Variants in TRIM13 observed in about 807,000 individuals in gnomAD.
TRIM13 encodes the protein E3 ubiquitin-protein ligase TRIM13.
TRIM13 carries 15 observed loss-of-function variants against 27.1 expected under a neutral mutation model. The observed-to-expected ratio is 0.55, with a 90% confidence interval of 0.37 to 0.85. The LOEUF (loss-of-function observed/expected upper bound fraction) is 0.85. Ranked by LOEUF, TRIM13 falls within the 40% of genes least tolerant of loss-of-function variation. The pLI, the probability that TRIM13 is intolerant of heterozygous loss-of-function variation, is 0.00. For missense variants in TRIM13, 402 were observed against 472.2 expected, an observed-to-expected ratio of 0.85 and a Z score of 1.38; for synonymous variants, 193 against 171.5, an observed-to-expected ratio of 1.13 and a Z score of -0.98.
chr13:50,005,563 A>T (rs564622439), intron 1 of TRIM13, among the ~76,000 whole-genome samples: 1 of 150,990 alleles, frequency 6.6e-6, no homozygotes, highest in African/African-American at 2.4e-5. Flanking sequence ...AATCCCAGCT[A>T]CTCGGGGAGA....
intron 1 of TRIM13, among the ~76,000 whole-genome samples, chr13:50,005,140 C>G (rs948106434): frequency 6.6e-6 from 1 of 151,600 alleles, no homozygotes; most frequent in Non-Finnish European, 1.5e-5. Context: ...CTTTTTTGTT[C>G]ATGTCAAAGG....
intron 1 of TRIM13, among the ~76,000 whole-genome samples, chr13:50,005,963 C>T (rs533731973): frequency 2.0e-5 from 3 of 151,866 alleles, no homozygotes; most frequent in Non-Finnish European, 2.9e-5. Flanking sequence ...CTGCCCACCT[C>T]GGCGGCCTCC....
intron 1 of TRIM13, among the ~76,000 whole-genome samples, chr13:50,011,353 TC>T (rs1422363505): frequency 6.6e-6 from 1 of 152,192 alleles, no homozygotes; most frequent in Non-Finnish European, 1.5e-5. Context: ...ACAAAAAACC[TC>T]ATTTAGTTCT....
Position 50,016,566 on chromosome 13 carries a change from T to C in TRIM13, c.*3402T>C, listed in dbSNP as rs1171654395. The C allele has an allele frequency of 5.9e-6, 1 of 168,154 alleles. No homozygotes were observed. The highest frequency in any genetic ancestry group is 1.5e-5 in the Non-Finnish European group (1 of 68,940). 10.4% of individuals were successfully genotyped at this position (168,154 alleles called of 1,614,324 possible). A position where few individuals can be genotyped will look rare whatever the true frequency, so the allele number is the denominator to read the frequency against. On this transcript the variant is annotated 3_prime_UTR_variant, in exon 2 of 2. Coordinates refer to ENST00000378182, the MANE Select transcript of TRIM13 (RefSeq NM_213590.3). ...AAACACCCTTAAAGACAGATATATCTCATGGCAAATTTGGTATCCTGTTAC... is the reference window on the plus strand; with the variant it reads ...AAACACCCTTAAAGACAGATATATCCCATGGCAAATTTGGTATCCTGTTAC...
rs1293069526 is a variant in TRIM13 at position 50,012,009 on chromosome 13, G to A, written c.69G>A (p.Leu23=). The A allele has an allele frequency of 1.2e-6, 2 of 1,613,722 alleles. No individual in the cohort carries two copies. The highest frequency in any genetic ancestry group is 1.7e-6 in the Non-Finnish European group (2 of 1,179,940). ...GTCTGTTTGATGATCCACGGGTTTT[G>A]CCTTGCTCCCACAACTTCTGCAAAA... ...CCSLFDDPRV[L]PCSHNFCKKC... The change falls in exon 2 of 2, where the codon TTG becomes TTA. Residue 23 remains leucine, a synonymous_variant. Transcript: ENST00000378182.
At chr13:50,002,781 G>A (rs988761958) in intron 1 of TRIM13, among the ~76,000 whole-genome samples, 6 of 151,906 alleles carry the variant, frequency 3.9e-5, no homozygotes, top group African/African-American at 1.5e-4. Flanking sequence ...TCCTGCCTCA[G>A]CCTCCCGAGT....
intron 1 of TRIM13, among the ~76,000 whole-genome samples, chr13:50,010,689 T>C (rs1381286805): frequency 6.6e-6 from 1 of 152,220 alleles, no homozygotes; most frequent in Non-Finnish European, 1.5e-5. Flanking sequence ...AATTCTAATT[T>C]TTACATAAAA....
At chr13:49,998,044 C>G (rs1378420768) in intron 1 of TRIM13, among the ~76,000 whole-genome samples, 1 of 152,038 alleles carries the variant, frequency 6.6e-6, no homozygotes, top group Non-Finnish European at 1.5e-5. Context: ...TTCCCTTCTC[C>G]TATGCTTAGT....
chr13:50,007,800 C>T (rs113368674), intron 1 of TRIM13, among the ~76,000 whole-genome samples: 2 of 139,310 alleles, frequency 1.4e-5, no homozygotes, highest in African/African-American at 5.4e-5. Flanking sequence ...AAAAAAAAAG[C>T]CATAAACTAA....
chr13:50,016,108 G>C lies in TRIM13; in HGVS notation c.*2944G>C, dbSNP rs1876523534. 1 of 1,444,196 alleles carries C rather than the reference G, an allele frequency of 6.9e-7. No homozygotes were observed. The allele number at this position is 1,444,196 out of a possible 1,614,324, so 89.5% of individuals were successfully genotyped here. A position where few individuals can be genotyped will look rare whatever the true frequency, so the allele number is the denominator to read the frequency against. Reference sequence around the variant, plus strand: ...TTTGCAGTATTTCTCTTGTATACCAGTTTGTGATGTTTTCTCTAAAAACTT... The same window carrying C: ...TTTGCAGTATTTCTCTTGTATACCACTTTGTGATGTTTTCTCTAAAAACTT... On this transcript the variant is annotated 3_prime_UTR_variant, in exon 2 of 2. Coordinates refer to ENST00000378182, the MANE Select transcript of TRIM13 (RefSeq NM_213590.3).
In TRIM13 at chr13:50,013,872, A is replaced by T. The variant is rs1346941321; in HGVS notation, c.*708A>T. 1 of 166,818 alleles carries T rather than the reference A, an allele frequency of 6.0e-6. No individual in the cohort carries two copies. Among genetic ancestry groups the T allele is most frequent in the Non-Finnish European group, 1.5e-5 (1 of 68,070 alleles). 10.3% of individuals were successfully genotyped at this position (166,818 alleles called of 1,614,324 possible). ...TCTTAAAGCACCTTTTTGACAGTGA[A>T]CATGGTCTAAAAAAGGGAAGATATT... is the stretch of plus-strand genomic sequence containing the variant. On this transcript the variant is annotated 3_prime_UTR_variant, in exon 2 of 2. Coordinates refer to ENST00000378182, the MANE Select transcript of TRIM13 (RefSeq NM_213590.3).
At chr13:50,007,561 G>T (rs1326624846) in intron 1 of TRIM13, among the ~76,000 whole-genome samples, 1 of 149,430 alleles carries the variant, frequency 6.7e-6, no homozygotes, top group Non-Finnish European at 1.5e-5. Context: ...CGGGTGGATT[G>T]CCTGGGGTCA....
intron 1 of TRIM13, among the ~76,000 whole-genome samples, chr13:50,002,662 CT>C (rs1175687428): frequency 5.8e-4 from 84 of 144,594 alleles, no homozygotes; most frequent in African/African-American, 1.0e-3. Flanking sequence ...ATGGATCTCT[CT>C]TTTTTTTTTT....
intron 1 of TRIM13, among the ~76,000 whole-genome samples, chr13:50,004,766 C>T (rs561297222): frequency 2.7e-5 from 4 of 147,046 alleles, no homozygotes; most frequent in Admixed American, 6.8e-5. Flanking sequence ...GGTGACAGCC[C>T]GAGACCCTGT....
chr13:50,016,140 C>A lies in TRIM13; in HGVS notation c.*2976C>A. 1.7e-6 allele frequency: 2 copies of A among 1,147,100 alleles called. No homozygotes were observed. The highest frequency in any genetic ancestry group is 2.5e-6 in the Non-Finnish European group (2 of 792,038). 71.1% of individuals were successfully genotyped at this position (1,147,100 alleles called of 1,614,324 possible). On this transcript the variant is annotated 3_prime_UTR_variant, in exon 2 of 2. Transcript: ENST00000378182. ...ATGTTTTCTCTAAAAACTTGAAGTT[C>A]CTCAGGCCTGTAACTTCTGGAAAAG... is the stretch of plus-strand genomic sequence containing the variant.
At chr13:50,003,536 A>C (rs191240797) in intron 1 of TRIM13, among the ~76,000 whole-genome samples, 5 of 152,300 alleles carry the variant, frequency 3.3e-5, no homozygotes, top group Admixed American at 2.0e-4. Context: ...TTTTGGGTTG[A>C]TCTCTTAAAA....
intron 1 of TRIM13, among the ~76,000 whole-genome samples, chr13:50,005,235 AT>A (rs1005740249): frequency 2.0e-5 from 3 of 152,112 alleles, no homozygotes; most frequent in African/African-American, 7.2e-5. Flanking sequence ...AGTACCTTTT[AT>A]TTATGATATT....
At chr13:50,009,748 A>AC (rs1418612661) in intron 1 of TRIM13, among the ~76,000 whole-genome samples, 4 of 135,604 alleles carry the variant, frequency 2.9e-5, no homozygotes, top group Non-Finnish European at 5.0e-5. Flanking sequence ...AAAAAAAAAA[A>AC]AAAAAAAAAA....
At chr13:50,006,331 G>T (rs1874707596) in intron 1 of TRIM13, among the ~76,000 whole-genome samples, 1 of 151,998 alleles carries the variant, frequency 6.6e-6, no homozygotes, top group Admixed American at 6.5e-5. Flanking sequence ...TTTCTTCATA[G>T]TTTCTCTTTG....
Sources: gnomAD v4.1 joint callset for allele counts (sites outside exome capture counted in the v4.1 genomes callset) on GRCh38, gnomAD v4.1.1 for gene constraint, MANE v1.5 for transcripts, NCBI Gene and HGNC (gene_info 2026-07-23, HGNC 2026-07-21) for gene names.